UNC79: variants seen among roughly 807,000 people sequenced by gnomAD.
The protein encoded by UNC79 is protein unc-79 homolog.
A neutral mutation model predicts 283.1 loss-of-function variants in UNC79; 37 were observed. The ratio of observed to expected loss-of-function variants is 0.13; its 90% confidence interval spans 0.10 to 0.17. UNC79 has a LOEUF of 0.17. Ranked by LOEUF, UNC79 falls within the 10% of genes least tolerant of loss-of-function variation. The pLI is 1.00. For missense variants in UNC79, 2,272 were observed against 3,211.1 expected (o/e 0.71, Z 7.07); for synonymous variants, 1,107 against 1,200.2 (o/e 0.92, Z 1.61).
At chr14:93,483,808 C>T (rs111888308) in intron 4 of UNC79, among the ~76,000 whole-genome samples, 10 of 151,632 alleles carry the variant, frequency 6.6e-5, no homozygotes, top group African/African-American at 1.9e-4. Flanking sequence ...TCTGTCCTTG[C>T]GATAGTTTGC....
In UNC79 at chr14:93,581,316, A is replaced by AGGCAT. The variant is rs1025321285; in HGVS notation, c.2662-885_2662-881dup. On this transcript the variant is annotated intron_variant, in intron 19 of 48. Transcript: ENST00000555664. Reference sequence around the variant, plus strand: ...CTCAGCCTCCTCGGTAACTGGACACAGGCATGCCACCATGCCTGGATAATT... The same window carrying AGGCAT: ...CTCAGCCTCCTCGGTAACTGGACACAGGCATGGCATGCCACCATGCCTGGATAATT... Among the ~76,000 whole-genome samples, 5 of 149,464 alleles carry AGGCAT rather than the reference A, an allele frequency of 3.3e-5. No homozygotes were observed. The East Asian group carries it at 8.1e-4, about 24-fold the overall frequency.
chr14:93,440,539 TTTTA>T (rs2056260706), intron 1 of UNC79, among the ~76,000 whole-genome samples: 1 of 151,864 alleles, frequency 6.6e-6, no homozygotes, highest in African/African-American at 2.4e-5. Flanking sequence ...TTTTTTTTTT[TTTTA>T]AATTTTTATT....
intron 2 of UNC79, among the ~76,000 whole-genome samples, chr14:93,471,035 T>C (rs1166042780): frequency 6.6e-6 from 1 of 152,182 alleles, no homozygotes; most frequent in Non-Finnish European, 1.5e-5. Context: ...TAAAATCTTT[T>C]AACGAAATTA....
At chr14:93,691,532 A>T in intron 45 of UNC79, 1 of 590,326 alleles carries the variant, frequency 1.7e-6, no homozygotes, top group South Asian at 2.2e-5. Flanking sequence ...CTCTTAAAAA[A>T]TGTGCTTTGT....
chr14:93,384,356 C>T (rs1412358394), intron 1 of UNC79, among the ~76,000 whole-genome samples: 1 of 152,200 alleles, frequency 6.6e-6, no homozygotes, highest in Non-Finnish European at 1.5e-5. Context: ...TCCTCTCCAG[C>T]ATTTGTTATT....
intron 1 of UNC79, among the ~76,000 whole-genome samples, chr14:93,354,413 T>G (rs2054043779): frequency 6.6e-6 from 1 of 152,252 alleles, no homozygotes; most frequent in Admixed American, 6.5e-5. Flanking sequence ...TTTGGATTTT[T>G]AGCTTGGGAT....
intron 40 of UNC79, 46 bp downstream of exon 43, chr14:93,662,760 C>T (rs376174715): frequency 4.2e-6 from 6 of 1,432,284 alleles, no homozygotes; most frequent in Admixed American, 1.9e-5. Context: ...TGAAAACTGG[C>T]AGAAATATAT....
chr14:93,654,399 G>T (rs1381980980), intron 37 of UNC79, among the ~76,000 whole-genome samples: 1 of 151,962 alleles, frequency 6.6e-6, no homozygotes, highest in African/African-American at 2.4e-5. Context: ...AGGAGACTGA[G>T]GGGGAAGGAT....
At chr14:93,675,544 C>G (rs888504091) in intron 41 of UNC79, among the ~76,000 whole-genome samples, 1 of 152,206 alleles carries the variant, frequency 6.6e-6, no homozygotes, top group Non-Finnish European at 1.5e-5. Context: ...GAAGAGTTCA[C>G]ATGCACCTTG....
At chr14:93,334,029 A>C (rs2053519302) in intron 1 of UNC79, among the ~76,000 whole-genome samples, 1 of 152,134 alleles carries the variant, frequency 6.6e-6, no homozygotes, top group Non-Finnish European at 1.5e-5. Flanking sequence ...TTCAATCTCT[A>C]CCCATTGTTT....
intron 7 of UNC79, among the ~76,000 whole-genome samples, chr14:93,510,752 C>T (rs748066247): frequency 1.7e-4 from 26 of 152,202 alleles, no homozygotes; most frequent in Non-Finnish European, 2.6e-4. Flanking sequence ...AACAATTTAA[C>T]AAGTCTCTAG....
chr14:93,648,103 C>T (rs1391414415), intron 35 of UNC79, among the ~76,000 whole-genome samples: 1 of 152,178 alleles, frequency 6.6e-6, no homozygotes. Flanking sequence ...ACCATATTAC[C>T]TGCTTTGAAG....
chr14:93,339,242 C>G (rs1182036688), intron 1 of UNC79, among the ~76,000 whole-genome samples: 4 of 152,180 alleles, frequency 2.6e-5, no homozygotes, highest in Non-Finnish European at 5.9e-5. Flanking sequence ...TCAGCCCTCA[C>G]CAGATGACTC....
At chr14:93,587,368 C>T (rs1356687200) in intron 22 of UNC79, among the ~76,000 whole-genome samples, 1 of 152,048 alleles carries the variant, frequency 6.6e-6, no homozygotes, top group Non-Finnish European at 1.5e-5. Context: ...TAAAACGTTA[C>T]CCTAGATTTA....
intron 1 of UNC79, among the ~76,000 whole-genome samples, chr14:93,463,548 A>G (rs2057039979): frequency 6.6e-6 from 1 of 152,166 alleles, no homozygotes; most frequent in Admixed American, 6.5e-5. Context: ...TTAATTTCAT[A>G]GGAGACACAC....
chr14:93,602,463 G>GA (rs1421189738), intron 25 of UNC79, among the ~76,000 whole-genome samples: 2 of 152,282 alleles, frequency 1.3e-5, no homozygotes, highest in African/African-American at 4.8e-5. Context: ...TGGTCTACAA[G>GA]CCTATTTTAA....
intron 1 of UNC79, among the ~76,000 whole-genome samples, chr14:93,399,355 TA>T (rs2055061577): frequency 6.6e-6 from 1 of 152,142 alleles, no homozygotes; most frequent in South Asian, 2.1e-4. Context: ...AATTTGGGAA[TA>T]AGAAAATTTT....
At chr14:93,431,330 G>A (rs2055868150) in intron 1 of UNC79, among the ~76,000 whole-genome samples, 1 of 151,824 alleles carries the variant, frequency 6.6e-6, no homozygotes, top group Non-Finnish European at 1.5e-5. Context: ...TTAAAATGGG[G>A]TCATTCTCGG....
chr14:93,589,050 A>G (rs921593964), intron 22 of UNC79, among the ~76,000 whole-genome samples: 3 of 152,164 alleles, frequency 2.0e-5, no homozygotes, highest in Admixed American at 1.3e-4. Flanking sequence ...CTTCAGGAAC[A>G]TGGAAAAGAG....
Sources: allele counts gnomAD v4.1 joint callset (sites outside exome capture counted in the v4.1 genomes callset), GRCh38; gene constraint gnomAD v4.1.1; transcripts MANE v1.5; gene names NCBI Gene and HGNC (gene_info 2026-07-23, HGNC 2026-07-21).